The following TRIM37 variants were observed in gnomAD, a reference collection of about 807,000 sequenced individuals.
The protein encoded by TRIM37 is E3 ubiquitin-protein ligase TRIM37.
In TRIM37, 80 loss-of-function variants were observed where a neutral mutation model predicts 129.8. That is an observed-to-expected ratio of 0.62 (90% CI 0.51 to 0.74). The LOEUF (loss-of-function observed/expected upper bound fraction) is 0.74, where lower values mean the gene tolerates loss of function less well. Ranked by LOEUF, TRIM37 falls within the 30% of genes least tolerant of loss-of-function variation. The pLI, the probability that TRIM37 is intolerant of heterozygous loss-of-function variation, is 0.00. For synonymous variants in TRIM37, 389 were observed against 387.1 expected, an observed-to-expected ratio of 1.00 and a Z score of -0.06; for missense variants, 1,054 against 1,176.5, an observed-to-expected ratio of 0.90 and a Z score of 1.52.
At chr17:59,088,010 C>T in intron 4 of TRIM37, 1 of 576,372 alleles carries the variant, frequency 1.7e-6, no homozygotes, top group Non-Finnish European at 3.1e-6. Flanking sequence ...AATCATGTCT[C>T]ATTTACCTTT....
chr17:59,005,309 C>T (rs144513061), intron 22 of TRIM37, among the ~76,000 whole-genome samples: 3,161 of 151,474 alleles, frequency 0.021, 42 homozygotes, highest in Middle Eastern at 0.045. Context: ...TTTGAGACGG[C>T]GTCTCACTCT....
chr17:59,097,522 A>C (rs1156992712), intron 2 of TRIM37, among the ~76,000 whole-genome samples: 1 of 152,158 alleles, frequency 6.6e-6, no homozygotes, highest in Non-Finnish European at 1.5e-5. Context: ...ACACATTTGC[A>C]ACAGCATCAA....
chr17:59,026,248 A>C (rs1191394043), intron 19 of TRIM37, among the ~76,000 whole-genome samples: 1 of 152,200 alleles, frequency 6.6e-6, no homozygotes, highest in African/African-American at 2.4e-5. Flanking sequence ...TGACACCATA[A>C]ACAAAATTTA....
rs773354025 is a variant in TRIM37, at chr17:59,062,567, T to G, written c.942A>C (p.Pro314=). The G allele has an allele frequency of 1.2e-6, 2 of 1,612,998 alleles. No individual in the cohort carries two copies. Among genetic ancestry groups the G allele is most frequent in the Middle Eastern group, 1.7e-4 (1 of 6,054 alleles). The change falls in exon 11 of 24, where the codon CCA becomes CCC. Residue 314 remains proline (P), a splice_region_variant and synonymous_variant. Coordinates refer to ENST00000262294, the MANE Select transcript of TRIM37 (RefSeq NM_015294.6). ...SGLCWRLKVY[P]DGNGVVRGYY... ...TTTATTAGAAATATGAAAAACTTAC[T>G]GGGTAAACTTTTAACCTCCAGCAAA...
chr17:59,080,192 T>A (rs1158858829), intron 6 of TRIM37, among the ~76,000 whole-genome samples: 2 of 152,244 alleles, frequency 1.3e-5, no homozygotes, highest in East Asian at 3.8e-4. Context: ...ATAAACCTCA[T>A]TTATGACTGT....
At chr17:58,974,043 G>A in the TRIM37 span, among the ~76,000 whole-genome samples, 1 of 151,332 alleles carries the variant, frequency 6.6e-6, no homozygotes, top group Non-Finnish European at 1.5e-5. Context: ...CGGAAGGATT[G>A]CTTGAGTCCA....
intron 15 of TRIM37, among the ~76,000 whole-genome samples, chr17:59,048,924 A>G (rs1481128993): frequency 1.3e-5 from 2 of 152,190 alleles, no homozygotes; most frequent in Admixed American, 1.3e-4. Flanking sequence ...TCCACAATGT[A>G]TGGTAGTTTA....
intron 1 of TRIM37, among the ~76,000 whole-genome samples, chr17:59,106,017 G>A (rs536261779): frequency 5.5e-4 from 84 of 152,292 alleles, no homozygotes; most frequent in African/African-American, 2.0e-3. Context: ...GGAAGGAAGG[G>A]CAGAAGCCTG....
At chr17:59,021,014 G>T (rs117012981) in intron 19 of TRIM37, among the ~76,000 whole-genome samples, 1 of 152,148 alleles carries the variant, frequency 6.6e-6, no homozygotes, top group Admixed American at 6.6e-5. Flanking sequence ...TGTCAAAGAG[G>T]TATCTGCATT....
downstream of TRIM37, among the ~76,000 whole-genome samples, chr17:58,997,199 C>T (rs2033095968): frequency 6.6e-6 from 1 of 152,114 alleles, no homozygotes; most frequent in Non-Finnish European, 1.5e-5. Context: ...GATCACTGTT[C>T]TGTGATTATG....
intron 1 of TRIM37, among the ~76,000 whole-genome samples, chr17:59,106,202 C>A (rs565478741): frequency 9.9e-5 from 15 of 152,240 alleles, no homozygotes; most frequent in Admixed American, 1.3e-4. Flanking sequence ...AGTACCTGTG[C>A]CAAGACATCC....
intron 10 of TRIM37, among the ~76,000 whole-genome samples, chr17:59,063,725 T>C (rs962771033): frequency 6.6e-6 from 1 of 152,252 alleles, no homozygotes; most frequent in Non-Finnish European, 1.5e-5. Flanking sequence ...CACTTTGAGC[T>C]GAGATAAATG....
chr17:58,993,061 G>A (rs988054432), intron 24 of TRIM37, among the ~76,000 whole-genome samples: 1 of 152,120 alleles, frequency 6.6e-6, no homozygotes, highest in Admixed American at 6.6e-5. Flanking sequence ...TGAATCATGG[G>A]GGCAAGACTT....
chr17:59,087,458 C>CTTTTT (rs56956832), intron 4 of TRIM37, among the ~76,000 whole-genome samples: 3 of 130,818 alleles, frequency 2.3e-5, no homozygotes, highest in Non-Finnish European at 4.8e-5. Context: ...AAGCCTCTTT[C>CTTTTT]TTTTTTTTTT....
chr17:58,981,618 T>C (rs541638165), downstream of TRIM37: 1 of 152,776 alleles, frequency 6.5e-6, no homozygotes, highest in East Asian at 1.9e-4. Context: ...TTCTCAGACT[T>C]GTGAGGCGGT....
exon 25 of TRIM37, chr17:58,982,833 C>G (rs2031440305): frequency 7.3e-7 from 1 of 1,378,598 alleles, no homozygotes; most frequent in Non-Finnish European, 1.0e-6. Flanking sequence ...GGCTTTGCCC[C>G]ACACATGGTC....
At chr17:59,028,185 G>A (rs2037440171) in intron 19 of TRIM37, among the ~76,000 whole-genome samples, 1 of 152,148 alleles carries the variant, frequency 6.6e-6, no homozygotes. Context: ...ATGATGTTAA[G>A]AATTTTGTCT....
intron 3 of TRIM37, among the ~76,000 whole-genome samples, chr17:59,089,631 C>T (rs1415555199): frequency 6.6e-6 from 1 of 152,084 alleles, no homozygotes; most frequent in Non-Finnish European, 1.5e-5. Context: ...AAGAGTGAGA[C>T]TCCATCTCAA....
At chr17:59,104,422 A>C in intron 1 of TRIM37, 28 bp from the exon 2 acceptor site, 1 of 1,596,668 alleles carries the variant, frequency 6.3e-7, no homozygotes, top group Non-Finnish European at 8.6e-7. Context: ...TGTAAGGTCC[A>C]CCAGTTTAGG....
Sources: gnomAD v4.1 joint callset for allele counts (sites outside exome capture counted in the v4.1 genomes callset) on GRCh38, gnomAD v4.1.1 for gene constraint, MANE v1.5 for transcripts, NCBI Gene and HGNC (gene_info 2026-07-23, HGNC 2026-07-21) for gene names.